ZBTB20: variants seen among roughly 807,000 people sequenced by gnomAD.
ZBTB20 encodes zinc finger and BTB domain containing 20.
ZBTB20 carries 9 observed loss-of-function variants against 56.9 expected under a neutral mutation model. That is an observed-to-expected ratio of 0.16 (90% CI 0.10 to 0.28). The LOEUF (loss-of-function observed/expected upper bound fraction) is 0.28, where lower values mean the gene tolerates loss of function less well. ZBTB20 is among the 10% of genes least tolerant of loss of function. ZBTB20 has a pLI of 1.00. For missense variants in ZBTB20, 655 were observed against 1,003.0 expected, an observed-to-expected ratio of 0.65 and a Z score of 4.69; for synonymous variants, 417 against 420.7, an observed-to-expected ratio of 0.99 and a Z score of 0.11.
chr3:114,608,760 C>T (rs1439978989), intron 6 of ZBTB20, among the ~76,000 whole-genome samples: 1 of 152,150 alleles, frequency 6.6e-6, no homozygotes, highest in Non-Finnish European at 1.5e-5. Flanking sequence ...AAAGCATATG[C>T]TTAGTCATGT....
At chr3:114,716,696 T>C (rs2064502970) in intron 5 of ZBTB20, among the ~76,000 whole-genome samples, 1 of 152,176 alleles carries the variant, frequency 6.6e-6, no homozygotes, top group South Asian at 2.1e-4. Flanking sequence ...GGTTACAGCG[T>C]TGATTTTTCA....
chr3:114,632,229 A>G (rs2058997595), intron 6 of ZBTB20, among the ~76,000 whole-genome samples: 1 of 152,172 alleles, frequency 6.6e-6, no homozygotes, highest in African/African-American at 2.4e-5. Flanking sequence ...TCACAATCAC[A>G]CTGTAGGCAT....
Position 114,318,543 on chromosome 3 carries a change from G to C in ZBTB20, c.*20462C>G, listed in dbSNP as rs1335755001. 1 of 152,200 alleles carries C rather than the reference G, an allele frequency of 6.6e-6. No individual in the cohort carries two copies. The highest frequency in any genetic ancestry group is 1.5e-5 in the Non-Finnish European group (1 of 68,050). The allele number at this position is 152,200 out of a possible 1,614,324, so 9.4% of individuals were successfully genotyped here. On this transcript the variant is annotated 3_prime_UTR_variant, in exon 12 of 12. Coordinates refer to ENST00000675478, the MANE Select transcript of ZBTB20 (RefSeq NM_001348800.3). Reference sequence around the variant, plus strand: ...TGTGGTTGCCCACTGAGAGGGTGAAGTCCCACTCACATTTTACTTCGTGAG... The same window carrying C: ...TGTGGTTGCCCACTGAGAGGGTGAACTCCCACTCACATTTTACTTCGTGAG...
intron 1 of ZBTB20, among the ~76,000 whole-genome samples, chr3:115,113,476 C>A (rs1045397298): frequency 7.9e-5 from 12 of 152,232 alleles, no homozygotes; most frequent in Non-Finnish European, 1.6e-4. Context: ...GCTTTTGGCA[C>A]TGAAAATCTC....
At chr3:114,874,641 AGGCTACACAGAC>A (rs2076126548) in intron 4 of ZBTB20, among the ~76,000 whole-genome samples, 1 of 152,188 alleles carries the variant, frequency 6.6e-6, no homozygotes, top group African/African-American at 2.4e-5. Flanking sequence ...CTCAGGAAAC[AGGCTACACAGAC>A]GGCCGTCCCA....
At chr3:114,686,153 C>T (rs1198926152) in intron 6 of ZBTB20, among the ~76,000 whole-genome samples, 1 of 152,098 alleles carries the variant, frequency 6.6e-6, no homozygotes, top group African/African-American at 2.4e-5. Flanking sequence ...ATATGTGCAG[C>T]TTAAGGAGCT....
intron 4 of ZBTB20, among the ~76,000 whole-genome samples, chr3:114,816,783 A>G (rs554138668): frequency 1.3e-5 from 2 of 152,294 alleles, no homozygotes; most frequent in African/African-American, 4.8e-5. Context: ...ACAAGTATGT[A>G]CTTTAATCAA....
At chr3:114,506,124 T>A (rs1170146189) in intron 6 of ZBTB20, among the ~76,000 whole-genome samples, 6 of 152,118 alleles carry the variant, frequency 3.9e-5, no homozygotes, top group Non-Finnish European at 8.8e-5. Context: ...CCACAAATGG[T>A]CATACATATC....
chr3:114,454,696 C>T (rs937021242), intron 7 of ZBTB20: 2 of 151,836 alleles, frequency 1.3e-5, no homozygotes, highest in Non-Finnish European at 2.9e-5. Context: ...TTGTCACCCT[C>T]TCCCAAGTCC....
chr3:115,061,930 C>G (rs570996675), intron 2 of ZBTB20, among the ~76,000 whole-genome samples: 1 of 152,130 alleles, frequency 6.6e-6, no homozygotes, highest in African/African-American at 2.4e-5. Flanking sequence ...CCAACCACTA[C>G]AAATTATGCA....
intron 3 of ZBTB20, chr3:114,931,077 C>A: frequency 5.8e-6 from 1 of 171,734 alleles, no homozygotes; most frequent in South Asian, 1.6e-4. Flanking sequence ...AGGTTCCTGC[C>A]TTACTACAGG....
At chr3:114,869,918 G>C (rs2075921319) in intron 4 of ZBTB20, among the ~76,000 whole-genome samples, 1 of 152,110 alleles carries the variant, frequency 6.6e-6, no homozygotes, top group Admixed American at 6.6e-5. Flanking sequence ...TTGGACATGT[G>C]ATAATACATA....
intron 3 of ZBTB20, among the ~76,000 whole-genome samples, chr3:114,951,240 T>A (rs1318227282): frequency 6.6e-6 from 1 of 152,148 alleles, no homozygotes; most frequent in African/African-American, 2.4e-5. Flanking sequence ...TTCCATTGCT[T>A]TTGTTTTTTT....
intron 2 of ZBTB20, among the ~76,000 whole-genome samples, chr3:115,059,671 C>T (rs2108471051): frequency 6.6e-6 from 1 of 152,264 alleles, no homozygotes; most frequent in South Asian, 2.1e-4. Flanking sequence ...ATTCTACCTG[C>T]AAATTCTACT....
intron 6 of ZBTB20, among the ~76,000 whole-genome samples, chr3:114,666,209 C>T (rs746606435): frequency 6.6e-5 from 10 of 151,914 alleles, no homozygotes; most frequent in Admixed American, 2.0e-4. Flanking sequence ...TTCTTAGTAG[C>T]GGTAGTAGTG....
chr3:114,878,615 C>T (rs1313804328), intron 4 of ZBTB20, among the ~76,000 whole-genome samples: 3 of 151,026 alleles, frequency 2.0e-5, no homozygotes, highest in South Asian at 2.1e-4. Flanking sequence ...ACCAGGGACC[C>T]TTGACTCTCC....
At chr3:114,556,592 T>G (rs2051251547) in intron 6 of ZBTB20, among the ~76,000 whole-genome samples, 1 of 152,032 alleles carries the variant, frequency 6.6e-6, no homozygotes. Context: ...CATTCCATAT[T>G]AAGAAAATAC....
chr3:115,000,921 T>A (rs2079220465), intron 2 of ZBTB20, among the ~76,000 whole-genome samples: 1 of 151,428 alleles, frequency 6.6e-6, no homozygotes, highest in Non-Finnish European at 1.5e-5. Flanking sequence ...ACTATAAACT[T>A]CTTGCAACAA....
chr3:114,580,039 G>C (rs1347732011), intron 6 of ZBTB20, among the ~76,000 whole-genome samples: 2 of 151,582 alleles, frequency 1.3e-5, no homozygotes, highest in African/African-American at 4.8e-5. Flanking sequence ...TGTGAGGCCA[G>C]TATTGTCACA....
Sources: gnomAD v4.1 joint callset for allele counts (sites outside exome capture counted in the v4.1 genomes callset) on GRCh38, gnomAD v4.1.1 for gene constraint, MANE v1.5 for transcripts, NCBI Gene and HGNC (gene_info 2026-07-23, HGNC 2026-07-21) for gene names.